MAGI2: variants seen among roughly 807,000 people sequenced by gnomAD.
The protein encoded by MAGI2 is membrane-associated guanylate kinase, WW and PDZ domain-containing protein 2.
Under a neutral mutation model 133.3 loss-of-function variants are expected in MAGI2, and 35 were observed. That is an observed-to-expected ratio of 0.26 (90% CI 0.20 to 0.35). MAGI2 has a LOEUF of 0.35. MAGI2 is among the 10% of genes least tolerant of loss of function. The pLI, the probability that MAGI2 is intolerant of heterozygous loss-of-function variation, is 1.00. For synonymous variants in MAGI2, 729 were observed against 710.6 expected (o/e 1.03, Z -0.41); for missense variants, 1,636 against 1,863.4 (o/e 0.88, Z 2.25).
At chr7:79,196,952 A>G (rs1030140246) in intron 1 of MAGI2, among the ~76,000 whole-genome samples, 2 of 151,502 alleles carry the variant, frequency 1.3e-5, no homozygotes, top group Non-Finnish European at 1.5e-5. Context: ...TTTTTTATAT[A>G]TATAGAGAGA....
chr7:79,413,204 T>C (rs910597188), intron 1 of MAGI2: 1 of 152,126 alleles, frequency 6.6e-6, no homozygotes, highest in Non-Finnish European at 1.5e-5. Flanking sequence ...ACAGACAGCT[T>C]AGATGTTATA....
intron 10 of MAGI2, among the ~76,000 whole-genome samples, chr7:78,237,709 T>C (rs532542044): frequency 5.3e-4 from 81 of 152,302 alleles, no homozygotes; most frequent in African/African-American, 1.9e-3. Context: ...TGATCTCATA[T>C]GAGTTGAATG....
At chr7:79,284,740 G>A (rs1029510085) in intron 1 of MAGI2, among the ~76,000 whole-genome samples, 10 of 152,036 alleles carry the variant, frequency 6.6e-5, no homozygotes, top group Non-Finnish European at 8.8e-5. Flanking sequence ...CAATTGGAAC[G>A]TTACCAGAAT....
chr7:78,319,486 C>G (rs184672349), intron 9 of MAGI2, among the ~76,000 whole-genome samples: 1 of 152,162 alleles, frequency 6.6e-6, no homozygotes, highest in Non-Finnish European at 1.5e-5. Flanking sequence ...CTTAAAACTG[C>G]TCATCTACAT....
intron 1 of MAGI2, among the ~76,000 whole-genome samples, chr7:79,295,702 C>T (rs1238937292): frequency 6.6e-6 from 1 of 151,852 alleles, no homozygotes; most frequent in African/African-American, 2.4e-5. Context: ...GCCAGGCTAG[C>T]TTTACGAAAG....
intron 1 of MAGI2, among the ~76,000 whole-genome samples, chr7:79,046,317 A>G (rs1206654495): frequency 1.3e-5 from 2 of 152,190 alleles, no homozygotes; most frequent in Non-Finnish European, 2.9e-5. Context: ...ACACACACAC[A>G]GAGGGAAAAC....
chr7:79,058,022 T>G (rs1303780544), intron 1 of MAGI2, among the ~76,000 whole-genome samples: 2 of 151,964 alleles, frequency 1.3e-5, no homozygotes, highest in Admixed American at 6.6e-5. Flanking sequence ...AAGCTGGTTT[T>G]TGAAAATGTT....
chr7:79,183,734 T>C (rs1448927540), intron 1 of MAGI2, among the ~76,000 whole-genome samples: 1 of 151,886 alleles, frequency 6.6e-6, no homozygotes, highest in African/African-American at 2.4e-5. Flanking sequence ...CGGAATCAAC[T>C]TAAGTGTCCA....
chr7:78,863,846 T>C (rs1382344907), intron 2 of MAGI2, among the ~76,000 whole-genome samples: 1 of 152,216 alleles, frequency 6.6e-6, no homozygotes, highest in African/African-American at 2.4e-5. Flanking sequence ...AAGCAAAATG[T>C]GCCCTTTATA....
intron 2 of MAGI2, among the ~76,000 whole-genome samples, chr7:78,794,225 C>G (rs1226695644): frequency 1.3e-5 from 2 of 152,198 alleles, no homozygotes; most frequent in African/African-American, 2.4e-5. Flanking sequence ...AGTGACAGCA[C>G]TGCCTGGTTA....
In MAGI2 at chr7:78,442,200, C is replaced by T. The variant is rs1373623992; in HGVS notation, c.1045+47561G>A. Among the ~76,000 whole-genome samples, 3 of 152,320 alleles carry T rather than the reference C, an allele frequency of 2.0e-5. No individual in the cohort carries two copies. The East Asian group carries it at 5.8e-4, about 29-fold the overall frequency. On this transcript the variant is annotated intron_variant, in intron 6 of 21. Coordinates refer to ENST00000354212, the MANE Select transcript of MAGI2 (RefSeq NM_012301.4). ...CATCTGAACATATTCTCCTCGACAGCCCTTACACTGCTATGGAGACCTCCA... is the reference window on the plus strand; with the variant it reads ...CATCTGAACATATTCTCCTCGACAGTCCTTACACTGCTATGGAGACCTCCA...
chr7:78,935,066 A>T (rs988827610), intron 2 of MAGI2, among the ~76,000 whole-genome samples: 3 of 152,168 alleles, frequency 2.0e-5, no homozygotes, highest in Non-Finnish European at 2.9e-5. Context: ...GTAAATAATT[A>T]CCTGTTGCTA....
intron 3 of MAGI2, among the ~76,000 whole-genome samples, chr7:78,546,743 G>A (rs1040408572): frequency 2.0e-5 from 3 of 151,854 alleles, no homozygotes; most frequent in Admixed American, 1.3e-4. Flanking sequence ...TATAACCTAT[G>A]GACTCAAATA....
rs1365861725 is a variant in MAGI2 at position 78,243,263 on chromosome 7, ACACACACT to A, written c.2047+12672_2047+12679del. On this transcript the variant is annotated intron_variant, in intron 10 of 21. Transcript: ENST00000354212. ...CACACACACACACACACACACACAC[ACACACACT>A]CTCTCTCTCTCTCTCTTATAAAACA... 6.6e-4 allele frequency among the ~76,000 whole-genome samples: 41 copies of A among 62,386 alleles called. No individual in the cohort carries two copies. In the East Asian group the frequency reaches 7.5e-3, roughly 11 times the overall value. 40.9% of individuals were successfully genotyped at this position (62,386 alleles called of 152,430 possible).
At chr7:78,891,852 C>G (rs1299585500) in intron 2 of MAGI2, among the ~76,000 whole-genome samples, 1 of 152,138 alleles carries the variant, frequency 6.6e-6, no homozygotes, top group African/African-American at 2.4e-5. Flanking sequence ...CACTCTTATT[C>G]AACATAGTGT....
intron 2 of MAGI2, among the ~76,000 whole-genome samples, chr7:78,977,360 A>G (rs1804349309): frequency 6.6e-6 from 1 of 151,492 alleles, no homozygotes; most frequent in African/African-American, 2.4e-5. Context: ...TGGTACAGGA[A>G]CAATCAGACA....
At chr7:78,362,874 A>G (rs1392130631) in intron 7 of MAGI2, among the ~76,000 whole-genome samples, 1 of 152,184 alleles carries the variant, frequency 6.6e-6, no homozygotes, top group African/African-American at 2.4e-5. Flanking sequence ...TTTTTGTTCT[A>G]AATGGCATCA....
At chr7:78,857,885 G>A (rs539721437) in intron 2 of MAGI2, among the ~76,000 whole-genome samples, 62 of 152,186 alleles carry the variant, frequency 4.1e-4, no homozygotes, top group African/African-American at 1.4e-3. Context: ...TCTGGTCCTG[G>A]ATTTTTTTTG....
chr7:79,157,850 GTTTT>G (rs35889003), intron 1 of MAGI2, among the ~76,000 whole-genome samples: 7,564 of 84,128 alleles, frequency 0.09, 397 homozygotes, highest in African/African-American at 0.19. Flanking sequence ...TATCTAACAA[GTTTT>G]TTTTTTTTTT....
Sources: allele counts gnomAD v4.1 joint callset (sites outside exome capture counted in the v4.1 genomes callset), GRCh38; gene constraint gnomAD v4.1.1; transcripts MANE v1.5; gene names NCBI Gene and HGNC (gene_info 2026-07-23, HGNC 2026-07-21).